NALCN: variants seen among roughly 807,000 people sequenced by gnomAD.
NALCN encodes sodium leak channel NALCN.
A neutral mutation model predicts 225.3 loss-of-function variants in NALCN; 111 were observed. The observed-to-expected ratio is 0.49, with a 90% CI of 0.42 to 0.58. The LOEUF (loss-of-function observed/expected upper bound fraction) is 0.58. Ranked by LOEUF, NALCN falls within the 20% of genes least tolerant of loss-of-function variation. NALCN has a pLI of 0.00. For missense variants in NALCN, 1,378 were observed against 2,202.4 expected, an observed-to-expected ratio of 0.63 and a Z score of 7.49; for synonymous variants, 764 against 769.0, an observed-to-expected ratio of 0.99 and a Z score of 0.11.
intron 18 of NALCN, among the ~76,000 whole-genome samples, chr13:101,119,114 C>A (rs972391343): frequency 6.6e-6 from 1 of 151,944 alleles, no homozygotes; most frequent in African/African-American, 2.4e-5. Flanking sequence ...CGAATGAATG[C>A]GTGAATTCTT....
intron 3 of NALCN, among the ~76,000 whole-genome samples, chr13:101,379,488 T>C (rs2046785955): frequency 6.6e-6 from 1 of 152,104 alleles, no homozygotes; most frequent in Non-Finnish European, 1.5e-5. Context: ...AATGATAAAC[T>C]GGTTAAAGAA....
At chr13:101,297,941 C>G (rs1205116348) in intron 7 of NALCN, among the ~76,000 whole-genome samples, 1 of 152,180 alleles carries the variant, frequency 6.6e-6, no homozygotes, top group Non-Finnish European at 1.5e-5. Context: ...CAGAGAGAAG[C>G]TGATTGACTT....
At chr13:101,328,456 C>T (rs1449912302) in intron 7 of NALCN, among the ~76,000 whole-genome samples, 1 of 152,106 alleles carries the variant, frequency 6.6e-6, no homozygotes, top group Non-Finnish European at 1.5e-5. Context: ...GGACCACAGG[C>T]ATGCACCACC....
intron 7 of NALCN, among the ~76,000 whole-genome samples, chr13:101,310,683 G>A (rs1312994229): frequency 6.6e-6 from 1 of 152,038 alleles, no homozygotes; most frequent in Non-Finnish European, 1.5e-5. Flanking sequence ...TGAAAGCAAG[G>A]ATTTTTTCTC....
intron 15 of NALCN, among the ~76,000 whole-genome samples, chr13:101,146,676 G>A (rs1249726523): frequency 2.6e-5 from 4 of 152,102 alleles, no homozygotes; most frequent in Non-Finnish European, 5.9e-5. Flanking sequence ...ATAAAGTATT[G>A]TTAATTCATG....
intron 20 of NALCN, among the ~76,000 whole-genome samples, chr13:101,110,142 T>G (rs2035352664): frequency 6.6e-6 from 1 of 152,120 alleles, no homozygotes; most frequent in Non-Finnish European, 1.5e-5. Context: ...TGACTTAGAG[T>G]CTAAAAGCAA....
intron 13 of NALCN, among the ~76,000 whole-genome samples, chr13:101,217,020 T>G (rs1318530053): frequency 6.6e-6 from 1 of 152,166 alleles, no homozygotes; most frequent in Admixed American, 6.6e-5. Flanking sequence ...GCTAAACATA[T>G]GAGGTCTGTT....
intron 1 of NALCN, among the ~76,000 whole-genome samples, chr13:101,404,593 G>A (rs1594791295): frequency 6.6e-6 from 1 of 152,196 alleles, no homozygotes; most frequent in Non-Finnish European, 1.5e-5. Flanking sequence ...GTCTCTTGTG[G>A]AATTTTCTTT....
At chr13:101,225,299 T>A (rs2041099277) in intron 13 of NALCN, among the ~76,000 whole-genome samples, 1 of 152,290 alleles carries the variant, frequency 6.6e-6, no homozygotes, top group African/African-American at 2.4e-5. Context: ...AACACATATC[T>A]TTTTCTCCCC....
chr13:101,359,613 C>A (rs1275943002), intron 6 of NALCN, among the ~76,000 whole-genome samples: 5 of 152,118 alleles, frequency 3.3e-5, no homozygotes, highest in African/African-American at 7.2e-5. Flanking sequence ...TATTAGGTAT[C>A]TTTATGCAGC....
intron 28 of NALCN, among the ~76,000 whole-genome samples, chr13:101,091,940 T>C (rs2139560139): frequency 6.6e-6 from 1 of 152,250 alleles, no homozygotes; most frequent in East Asian, 1.9e-4. Context: ...TTTATCACAT[T>C]AAAAAAATAA....
At chr13:101,339,518 G>T (rs543790603) in intron 7 of NALCN, among the ~76,000 whole-genome samples, 21 of 152,238 alleles carry the variant, frequency 1.4e-4, no homozygotes, top group African/African-American at 4.8e-4. Context: ...TAGTATCTCA[G>T]TTGTCACGTG....
intron 34 of NALCN, among the ~76,000 whole-genome samples, chr13:101,079,871 G>A (rs898050326): frequency 3.3e-5 from 5 of 152,114 alleles, no homozygotes; most frequent in Admixed American, 6.5e-5. Context: ...TGAGCACAGC[G>A]TCTCGTATTA....
In NALCN at chr13:101,104,283, G is replaced by C; in HGVS notation, c.2889+12C>G. 1 of 1,583,188 alleles carries C rather than the reference G, an allele frequency of 6.3e-7. No homozygotes were observed. Among genetic ancestry groups the C allele is most frequent in the Non-Finnish European group, 8.6e-7 (1 of 1,169,582 alleles). On this transcript the variant is annotated intron_variant, in intron 25 of 43. Coordinates refer to ENST00000251127, the MANE Select transcript of NALCN (RefSeq NM_052867.4). The surrounding 1 kb of genome is among the most constrained non-coding windows in gnomAD (Gnocchi z 4.2). ...ATTACATTTTTCATTTAGGCAATAA[G>C]CAAAGACTTACAAGATATATAAATA...
chr13:101,362,325 A>G (rs2046273535), intron 6 of NALCN, among the ~76,000 whole-genome samples: 1 of 152,132 alleles, frequency 6.6e-6, no homozygotes, highest in Non-Finnish European at 1.5e-5. Context: ...AAGTTTCTCA[A>G]ATGGTAAAAC....
Position 101,345,363 on chromosome 13 carries a change from T to C in NALCN, c.702A>G (p.Glu234=). The C allele has an allele frequency of 1.2e-6, 2 of 1,613,858 alleles. No individual in the cohort carries two copies. Among genetic ancestry groups the C allele is most frequent in the Non-Finnish European group, 1.7e-6 (2 of 1,179,812 alleles). ...IPDTHCSPEL[E]EGYQCPPGFK... is the part of the protein sequence containing the mutation. ...ATCCAGGTGGGCACTGGTAGCCTTC[T>C]TCTAGCTCTGGTGAGCAGTGTGTGT... is the stretch of plus-strand genomic sequence containing the variant. Residue 234 remains glutamate, a synonymous_variant, in exon 7 of 44, where the codon GAA becomes GAG. Coordinates refer to ENST00000251127, the MANE Select transcript of NALCN (RefSeq NM_052867.4).
At chr13:101,304,371 A>G (rs535634584) in intron 7 of NALCN, among the ~76,000 whole-genome samples, 1 of 152,230 alleles carries the variant, frequency 6.6e-6, no homozygotes, top group East Asian at 1.9e-4. Flanking sequence ...TTGACCCATC[A>G]TCTAGGTTTT....
At chr13:101,195,414 T>C (rs183743927) in intron 13 of NALCN, among the ~76,000 whole-genome samples, 42 of 152,376 alleles carry the variant, frequency 2.8e-4, no homozygotes, top group Admixed American at 1.2e-3. Context: ...TTGTCATTCC[T>C]TTTAAGTGTT....
At chr13:101,369,424 G>A (rs1004245325) in intron 6 of NALCN, among the ~76,000 whole-genome samples, 16 of 152,130 alleles carry the variant, frequency 1.1e-4, no homozygotes, top group Admixed American at 6.5e-4. Flanking sequence ...CAAATACAGC[G>A]TGGAACTAGC....
Sources: gnomAD v4.1 joint callset for allele counts (sites outside exome capture counted in the v4.1 genomes callset) on GRCh38, gnomAD v4.1.1 for gene constraint, Gnocchi (gnomAD v3.1) non-coding constraint, MANE v1.5 for transcripts, NCBI Gene and HGNC (gene_info 2026-07-23, HGNC 2026-07-21) for gene names.